The following BMP6 variants were observed in gnomAD, a reference collection of about 807,000 sequenced individuals.
BMP6 encodes the protein bone morphogenetic protein 6.
In BMP6, 17 loss-of-function variants were observed where a neutral mutation model predicts 54.1. That is an observed-to-expected ratio of 0.31 (90% CI 0.22 to 0.47). BMP6 has a LOEUF of 0.47. Ranked by LOEUF, BMP6 falls within the 20% of genes least tolerant of loss-of-function variation. The pLI is 1.00. For missense variants in BMP6, 720 were observed against 690.4 expected (o/e 1.04, Z -0.48); for synonymous variants, 328 against 291.2 (o/e 1.13, Z -1.28).
At chr6:7,739,859 T>G (rs1581227752) in intron 1 of BMP6, among the ~76,000 whole-genome samples, 2 of 152,354 alleles carry the variant, frequency 1.3e-5, no homozygotes, top group South Asian at 4.1e-4. Flanking sequence ...GATGCTTTTT[T>G]CCCTACTGGG....
intron 4 of BMP6, among the ~76,000 whole-genome samples, chr6:7,875,103 T>C (rs1479843619): frequency 2.0e-5 from 3 of 152,116 alleles, no homozygotes; most frequent in Non-Finnish European, 4.4e-5. Context: ...TAAGTCCTAG[T>C]TGGAAGTCAA....
intron 1 of BMP6, among the ~76,000 whole-genome samples, chr6:7,810,736 G>C (rs1355834704): frequency 6.6e-6 from 1 of 152,202 alleles, no homozygotes; most frequent in Non-Finnish European, 1.5e-5. Context: ...CTATGTGTAT[G>C]AAGCATGAAA....
At chr6:7,798,323 C>T (rs1378133932) in intron 1 of BMP6, among the ~76,000 whole-genome samples, 2 of 152,154 alleles carry the variant, frequency 1.3e-5, no homozygotes, top group African/African-American at 4.8e-5. Context: ...TCGAGCCCAG[C>T]GGGGACCACA....
At chr6:7,872,992 T>C (rs9505294) in intron 4 of BMP6, among the ~76,000 whole-genome samples, 7,629 of 151,928 alleles carry the variant, frequency 0.05, 397 homozygotes, top group African/African-American at 0.13. Context: ...TTATATCTTG[T>C]AGAGACAGGG....
At chr6:7,751,771 ATT>A (rs1421653399) in intron 1 of BMP6, among the ~76,000 whole-genome samples, 1 of 152,170 alleles carries the variant, frequency 6.6e-6, no homozygotes, top group African/African-American at 2.4e-5. Context: ...CCTTAGCCTA[ATT>A]TTCTTAGTTA....
intron 1 of BMP6, among the ~76,000 whole-genome samples, chr6:7,790,900 T>TTA (rs1354400933): frequency 1.3e-5 from 2 of 152,212 alleles, no homozygotes; most frequent in Non-Finnish European, 2.9e-5. Context: ...ACAAATCCAC[T>TTA]TATCTCCCTT....
chr6:7,863,005 G>T (rs1365309300), intron 4 of BMP6, among the ~76,000 whole-genome samples: 1 of 151,958 alleles, frequency 6.6e-6, no homozygotes, highest in East Asian at 1.9e-4. Flanking sequence ...TGTTGTTGTT[G>T]TTTGTTTTTG....
At chr6:7,738,422 G>A (rs1323472838) in intron 1 of BMP6, among the ~76,000 whole-genome samples, 1 of 152,136 alleles carries the variant, frequency 6.6e-6, no homozygotes, top group Non-Finnish European at 1.5e-5. Context: ...TCTTATGCTA[G>A]GGACCCCTTG....
chr6:7,793,791 G>A (rs1422284528), intron 1 of BMP6, among the ~76,000 whole-genome samples: 3 of 152,192 alleles, frequency 2.0e-5, no homozygotes, highest in Non-Finnish European at 2.9e-5. Context: ...AGTGAGAGGC[G>A]TGTGACCATC....
intron 1 of BMP6, among the ~76,000 whole-genome samples, chr6:7,770,638 G>A (rs1212437874): frequency 2.6e-5 from 4 of 152,176 alleles, no homozygotes; most frequent in East Asian, 1.9e-4. Context: ...CCCTAAAAGC[G>A]CTCCTTGTTT....
intron 2 of BMP6, among the ~76,000 whole-genome samples, chr6:7,854,649 A>C (rs1039625414): frequency 6.6e-6 from 1 of 152,042 alleles, no homozygotes; most frequent in Non-Finnish European, 1.5e-5. Flanking sequence ...TACAAAACTT[A>C]GTCAGGCGTG....
intron 1 of BMP6, among the ~76,000 whole-genome samples, chr6:7,745,874 A>G (rs1757338995): frequency 6.6e-6 from 1 of 152,070 alleles, no homozygotes; most frequent in Non-Finnish European, 1.5e-5. Flanking sequence ...AGGCTGAGAC[A>G]GGAGAATCAC....
chr6:7,783,628 T>C (rs1561770503), intron 1 of BMP6, among the ~76,000 whole-genome samples: 2 of 152,334 alleles, frequency 1.3e-5, no homozygotes, highest in South Asian at 2.1e-4. Flanking sequence ...ATCAGAGGCA[T>C]TGTAAAAATT....
intron 4 of BMP6, among the ~76,000 whole-genome samples, chr6:7,878,299 G>A (rs913756599): frequency 1.3e-5 from 2 of 152,204 alleles, no homozygotes; most frequent in Admixed American, 1.3e-4. Context: ...TCTATTGGCC[G>A]TGGTGCCAGG....
chr6:7,750,876 A>G (rs540996230), intron 1 of BMP6, among the ~76,000 whole-genome samples: 39 of 152,276 alleles, frequency 2.6e-4, no homozygotes, highest in Non-Finnish European at 5.1e-4. Context: ...GAGATGTTTG[A>G]GCTGTAATTC....
intron 1 of BMP6, among the ~76,000 whole-genome samples, chr6:7,746,431 T>C (rs574490792): frequency 1.4e-4 from 22 of 152,322 alleles, no homozygotes; most frequent in Non-Finnish European, 2.8e-4. Flanking sequence ...TTTTTGCAAT[T>C]GTCTAGGTAA....
At chr6:7,745,198 T>C (rs1757328785) in intron 1 of BMP6, among the ~76,000 whole-genome samples, 1 of 152,196 alleles carries the variant, frequency 6.6e-6, no homozygotes, top group Admixed American at 6.5e-5. Context: ...AAAAAGTGTA[T>C]AGGTCCTGTT....
At chr6:7,769,439 T>C (rs1017537627) in intron 1 of BMP6, among the ~76,000 whole-genome samples, 8 of 152,228 alleles carry the variant, frequency 5.3e-5, no homozygotes, top group African/African-American at 1.9e-4. Flanking sequence ...CAGCAGAGTT[T>C]GCTATCGCCT....
rs1757557867 is a variant in BMP6 at position 7,758,415 on chromosome 6, A to T, written c.664+30796A>T. On this transcript the variant is annotated intron_variant, in intron 1 of 6. Transcript: ENST00000283147. ...GAGTTTTGGCTCACAACTCACCACC[A>T]GGCATTTTTTTTCAAGACAAAGAAA... is the stretch of plus-strand genomic sequence containing the variant. Among the ~76,000 whole-genome samples, 2 of 152,136 alleles carry T rather than the reference A, an allele frequency of 1.3e-5. 1 individual carries two copies. The highest frequency in any genetic ancestry group is 2.9e-5 in the Non-Finnish European group (2 of 68,028).
Sources: gnomAD v4.1 joint callset for allele counts (sites outside exome capture counted in the v4.1 genomes callset) on GRCh38, gnomAD v4.1.1 for gene constraint, MANE v1.5 for transcripts, NCBI Gene and HGNC (gene_info 2026-07-23, HGNC 2026-07-21) for gene names.